Variants in TUBGCP5 observed in about 807,000 individuals in gnomAD.
The protein encoded by TUBGCP5 is gamma-tubulin complex component 5.
Under a neutral mutation model 134.7 loss-of-function variants are expected in TUBGCP5, and 98 were observed. That is an observed-to-expected ratio of 0.73 (90% CI 0.62 to 0.86). The LOEUF is 0.86. Ranked by LOEUF, TUBGCP5 falls within the 40% of genes least tolerant of loss-of-function variation. The pLI, the probability that TUBGCP5 is intolerant of heterozygous loss-of-function variation, is 0.00. For synonymous variants in TUBGCP5, 456 were observed against 431.4 expected, an observed-to-expected ratio of 1.06 and a Z score of -0.71; for missense variants, 1,150 against 1,244.8, an observed-to-expected ratio of 0.92 and a Z score of 1.15.
At chr15:22,988,672 C>T (rs1450353237) in intron 23 of TUBGCP5, among the ~76,000 whole-genome samples, 5 of 149,162 alleles carry the variant, frequency 3.4e-5, no homozygotes, top group Non-Finnish European at 7.4e-5. Context: ...GGAGGCAGAG[C>T]TTGCAGTGAG....
intron 1 of TUBGCP5, among the ~76,000 whole-genome samples, chr15:23,037,802 G>A (rs993465421): frequency 2.0e-5 from 3 of 152,208 alleles, no homozygotes; most frequent in African/African-American, 7.2e-5. Context: ...AATAGAAGGA[G>A]ATGCTACTTT....
At position 23,024,112 on chromosome 15, in the gene TUBGCP5, T is replaced by C. The variant is rs372749974; in HGVS notation, c.1003A>G (p.Met335Val). 1.2e-6 allele frequency: 2 copies of C among 1,614,078 alleles called. No homozygotes were observed. The highest frequency in any genetic ancestry group is 1.3e-5 in the African/African-American group (1 of 74,930). The change falls in exon 10 of 23, where the codon ATG (methionine) becomes GTG (valine). Residue 335 changes from methionine (M) to valine (V), a missense_variant. This residue lies in a region of TUBGCP5 where 697 missense variants were observed against 850.1 expected (regional missense o/e 0.82). Transcript: ENST00000615383. ...AGCATGCTCTCAGAACTGTGTCCCA[T>C]GACTTCATCAATGAACTCCTGGAGT... ...FRLQEFIDEV[M>V]GHSSESMLPG...
intron 13 of TUBGCP5, among the ~76,000 whole-genome samples, chr15:23,014,498 G>C (rs1203485379): frequency 6.6e-6 from 1 of 152,226 alleles, no homozygotes. Flanking sequence ...ACCTGAGAAA[G>C]AGCCTTGAAG....
Position 23,004,136 on chromosome 15 carries a change from GAC to G in TUBGCP5, c.2802_2803del (p.Ser935AsnfsTer4). ...CAGCAGACACCGGTCATGGATGGTT[GAC>G]AGATACCTATAGTGAATTTTAATCA... On this transcript the variant is annotated frameshift_variant, in exon 20 of 23. Transcript: ENST00000615383. LOFTEE classifies it high-confidence loss of function. 1 of 1,612,700 alleles carries G rather than the reference GAC, an allele frequency of 6.2e-7. No homozygotes were observed. The highest frequency in any genetic ancestry group is 8.5e-7 in the Non-Finnish European group (1 of 1,179,648).
At position 23,010,204 on chromosome 15, in the gene TUBGCP5, G is replaced by A. The variant is rs528509653; in HGVS notation, c.1956-71C>T. The stretch of plus-strand genomic sequence containing the variant: ...CAGAACTCTCTTAAATCAAAACCCT[G>A]AAGTTCCATTTTTACCTTTAGTCTT... On this transcript the variant is annotated intron_variant, in intron 14 of 22. Transcript: ENST00000615383. 1.8e-4 allele frequency: 269 copies of A among 1,474,334 alleles called. 1 individual carries two copies. Among genetic ancestry groups the A allele is most frequent in the African/African-American group, 1.6e-3 (112 of 71,282 alleles). 91.3% of individuals were successfully genotyped at this position (1,474,334 alleles called of 1,614,324 possible). A position where few individuals can be genotyped will look rare whatever the true frequency, so the allele number is the denominator to read the frequency against.
rs71414252 is a variant in TUBGCP5, at chr15:22,993,525, GTTTTTTTTTTTTTT to G, written c.*61+3306_*61+3319del. 1.6e-3 allele frequency among the ~76,000 whole-genome samples: 112 copies of G among 69,274 alleles called. 1 individual carries two copies. Among genetic ancestry groups the G allele is most frequent in the African/African-American group, 5.7e-3 (96 of 16,742 alleles). 45.4% of individuals were successfully genotyped at this position (69,274 alleles called of 152,430 possible). On this transcript the variant is annotated intron_variant and NMD_transcript_variant, in intron 23 of 23. Coordinates refer to the TUBGCP5 transcript ENST00000614508. ...TAATCCTCCCACCTCAGCCCCCGAA[GTTTTTTTTTTTTTT>G]TTTTTTTTTTTTTTTTTTAATATGA...
intron 23 of TUBGCP5, among the ~76,000 whole-genome samples, chr15:22,989,209 A>G (rs1227906672): frequency 6.6e-6 from 1 of 152,190 alleles, no homozygotes; most frequent in Non-Finnish European, 1.5e-5. Context: ...ACATAGTCAC[A>G]CGGCCCAGGG....
chr15:23,006,426 T>C, intron 16 of TUBGCP5, 74 bp from the exon 17 acceptor site: 2 of 1,010,600 alleles, frequency 2.0e-6, no homozygotes, highest in Non-Finnish European at 2.9e-6. Flanking sequence ...AAATAATTGG[T>C]ATTTCATTTA....
At chr15:23,037,038 T>C in intron 2 of TUBGCP5, 33 bp from the exon 3 acceptor site, 1 of 1,595,000 alleles carries the variant, frequency 6.3e-7, no homozygotes, top group Non-Finnish European at 8.5e-7. Flanking sequence ...AAAGCTATCT[T>C]AAAAAGATCT....
downstream of TUBGCP5, chr15:22,983,046 T>G (rs1463961351): frequency 6.6e-6 from 1 of 152,206 alleles, no homozygotes; most frequent in Non-Finnish European, 1.5e-5. Context: ...TTCTCTCTAT[T>G]AGTAATTGAT....
At chr15:23,024,689 T>C in intron 9 of TUBGCP5, 48 bp downstream of exon 9, 1 of 1,016,686 alleles carries the variant, frequency 9.8e-7, no homozygotes, top group Non-Finnish European at 1.5e-6. Flanking sequence ...ATATTACTAG[T>C]TTACATAAAT....
chr15:22,984,041 A>C (rs1247803081), intron 23 of TUBGCP5, among the ~76,000 whole-genome samples: 3 of 151,648 alleles, frequency 2.0e-5, no homozygotes, highest in Non-Finnish European at 2.9e-5. Flanking sequence ...AATCACTTGA[A>C]CCCGAGAGTT....
intron 7 of TUBGCP5, among the ~76,000 whole-genome samples, chr15:23,026,549 A>G (rs2065995654): frequency 6.6e-6 from 1 of 152,206 alleles, no homozygotes; most frequent in Admixed American, 6.5e-5. Flanking sequence ...ACTGAAATTA[A>G]CAACAAAAAA....
intron 21 of TUBGCP5, among the ~76,000 whole-genome samples, chr15:23,001,571 G>A (rs2064380128): frequency 6.6e-6 from 1 of 151,970 alleles, no homozygotes; most frequent in African/African-American, 2.4e-5. Flanking sequence ...TCGAACTCCT[G>A]ACCTCAGGAG....
chr15:23,005,981 C>A lies in TUBGCP5; in HGVS notation c.2533+71G>T, dbSNP rs1217413729. ...TCCAGATCCCCGTATGCTTCCCTTT[C>A]CCATTAACCTCTTTTATTAAGGGCT... On this transcript the variant is annotated intron_variant, in intron 18 of 22. Coordinates refer to ENST00000615383, the MANE Select transcript of TUBGCP5 (RefSeq NM_052903.6). 4 of 1,453,540 alleles carry A rather than the reference C, an allele frequency of 2.8e-6. No homozygotes were observed. In the African/African-American group the frequency reaches 5.8e-5, roughly 21 times the overall value. 90.0% of individuals were successfully genotyped at this position (1,453,540 alleles called of 1,614,324 possible).
chr15:23,028,893 C>G (rs538186318), intron 6 of TUBGCP5, among the ~76,000 whole-genome samples: 1 of 152,212 alleles, frequency 6.6e-6, no homozygotes, highest in African/African-American at 2.4e-5. Context: ...TGATACTAAT[C>G]ATCTATATAA....
intron 23 of TUBGCP5, among the ~76,000 whole-genome samples, chr15:22,990,193 T>C (rs978264411): frequency 3.3e-5 from 5 of 152,088 alleles, no homozygotes; most frequent in African/African-American, 1.2e-4. Context: ...AATGCCATCT[T>C]ACTGAGATGG....
Position 23,039,564 on chromosome 15 carries a change from G to C in TUBGCP5, c.-21C>G, listed in dbSNP as rs1233142273. 1 of 1,378,514 alleles carries C rather than the reference G, an allele frequency of 7.3e-7. No homozygotes were observed. Among genetic ancestry groups the C allele is most frequent in the Admixed American group, 2.9e-5 (1 of 34,618 alleles). The allele number at this position is 1,378,514 out of a possible 1,614,324, so 85.4% of individuals were successfully genotyped here. On this transcript the variant is annotated 5_prime_UTR_variant, in exon 1 of 23. Coordinates refer to ENST00000615383, the MANE Select transcript of TUBGCP5 (RefSeq NM_052903.6). ...GCCATGTTCCGCGCTCCTGCAGCGCGCGTCTAACGAATTGGTGCCTGTCGC... is the reference window on the plus strand; with the variant it reads ...GCCATGTTCCGCGCTCCTGCAGCGCCCGTCTAACGAATTGGTGCCTGTCGC...
At chr15:23,032,112 CAAGACTCA>C in intron 4 of TUBGCP5, 83 bp from the exon 5 acceptor site, 1 of 918,180 alleles carries the variant, frequency 1.1e-6, no homozygotes, top group East Asian at 2.6e-5. Context: ...AAAAGACTAA[CAAGACTCA>C]AAATACTCAG....
Sources: allele counts gnomAD v4.1 joint callset (sites outside exome capture counted in the v4.1 genomes callset), GRCh38; gene constraint gnomAD v4.1.1; regional missense constraint gnomAD v4.1.1; transcripts MANE v1.5; gene names NCBI Gene and HGNC (gene_info 2026-07-23, HGNC 2026-07-21).